The following LIMCH1 variants were observed in gnomAD, a reference collection of about 807,000 sequenced individuals.
The protein encoded by LIMCH1 is LIM and calponin homology domains-containing protein 1.
A neutral mutation model predicts 176.5 loss-of-function variants in LIMCH1; 113 were observed. That is an observed-to-expected ratio of 0.64 (90% CI 0.55 to 0.75). The LOEUF (loss-of-function observed/expected upper bound fraction) is 0.75, where lower values mean the gene tolerates loss of function less well. Ranked by LOEUF, LIMCH1 falls within the 30% of genes least tolerant of loss-of-function variation. The pLI is 0.00. For synonymous variants in LIMCH1, 619 were observed against 645.9 expected (o/e 0.96, Z 0.63); for missense variants, 1,674 against 1,814.9 (o/e 0.92, Z 1.41).
chr4:41,566,831 T>A (rs2082844825), intron 1 of LIMCH1, among the ~76,000 whole-genome samples: 1 of 152,226 alleles, frequency 6.6e-6, no homozygotes, highest in East Asian at 1.9e-4. Context: ...TTCTATCACA[T>A]ACAGAGTTAT....
chr4:41,552,077 G>A (rs907240809), intron 1 of LIMCH1, among the ~76,000 whole-genome samples: 8 of 152,250 alleles, frequency 5.3e-5, no homozygotes, highest in South Asian at 4.1e-4. Flanking sequence ...AAGAGAGAGC[G>A]TGTGCAGGGG....
intron 1 of LIMCH1, among the ~76,000 whole-genome samples, chr4:41,438,789 C>T (rs2062384854): frequency 6.6e-6 from 1 of 152,118 alleles, no homozygotes; most frequent in African/African-American, 2.4e-5. Context: ...TCACATGCAC[C>T]TCGCCCAGGC....
intron 1 of LIMCH1, among the ~76,000 whole-genome samples, chr4:41,386,755 G>T (rs1386139383): frequency 6.6e-6 from 1 of 152,136 alleles, no homozygotes; most frequent in Non-Finnish European, 1.5e-5. Flanking sequence ...TAGCATTTAG[G>T]GAAAATATGG....
At chr4:41,511,924 T>C (rs905785259) in intron 2 of LIMCH1, among the ~76,000 whole-genome samples, 12 of 152,156 alleles carry the variant, frequency 7.9e-5, no homozygotes, top group African/African-American at 2.9e-4. Flanking sequence ...AACTGGACTA[T>C]ATCAAAATTA....
At chr4:41,498,272 A>G (rs1393596178) in intron 2 of LIMCH1, among the ~76,000 whole-genome samples, 1 of 152,202 alleles carries the variant, frequency 6.6e-6, no homozygotes, top group Admixed American at 6.5e-5. Context: ...ACCTACATAC[A>G]GCATGTACGA....
intron 2 of LIMCH1, among the ~76,000 whole-genome samples, chr4:41,505,986 A>G (rs2074116254): frequency 6.9e-6 from 1 of 144,278 alleles, no homozygotes; most frequent in Admixed American, 6.8e-5. Flanking sequence ...TAAACAACAG[A>G]CCCATCCCTA....
At chr4:41,629,442 C>T (rs2093181117) in intron 8 of LIMCH1, 50 bp from the exon 9 acceptor site, 3 of 1,528,050 alleles carry the variant, frequency 2.0e-6, no homozygotes, top group Non-Finnish European at 2.6e-6. Flanking sequence ...TGCTCCCCTT[C>T]CTTGAACTTG....
chr4:41,424,031 C>T (rs1220295081), intron 1 of LIMCH1, among the ~76,000 whole-genome samples: 1 of 152,052 alleles, frequency 6.6e-6, no homozygotes, highest in African/African-American at 2.4e-5. Flanking sequence ...GTGATTCCCT[C>T]CTTCCTGCCT....
chr4:41,524,227 C>T (rs917680457), intron 2 of LIMCH1, among the ~76,000 whole-genome samples: 1 of 152,234 alleles, frequency 6.6e-6, no homozygotes, highest in Admixed American at 6.5e-5. Context: ...CGTGGACCAA[C>T]TTGATGTTGG....
At chr4:41,546,861 G>A (rs866005923) in intron 1 of LIMCH1, among the ~76,000 whole-genome samples, 4 of 152,022 alleles carry the variant, frequency 2.6e-5, no homozygotes, top group South Asian at 2.1e-4. Flanking sequence ...AGAGACAAGC[G>A]AGAGAGAGAA....
intron 1 of LIMCH1, among the ~76,000 whole-genome samples, chr4:41,587,311 A>G (rs1198674895): frequency 6.6e-6 from 1 of 152,102 alleles, no homozygotes; most frequent in Non-Finnish European, 1.5e-5. Context: ...CTCCCTGGCC[A>G]AGGATTCACG....
chr4:41,451,179 G>A (rs776819529), intron 1 of LIMCH1, among the ~76,000 whole-genome samples: 42 of 152,158 alleles, frequency 2.8e-4, no homozygotes, highest in African/African-American at 9.6e-4. Flanking sequence ...GCAATGGCAC[G>A]ATCTTGGCTC....
chr4:41,557,678 G>A (rs2081461744), intron 1 of LIMCH1, among the ~76,000 whole-genome samples: 1 of 151,982 alleles, frequency 6.6e-6, no homozygotes, highest in South Asian at 2.1e-4. Flanking sequence ...AATTTAAGGT[G>A]ATGAGGGAAA....
intron 18 of LIMCH1, among the ~76,000 whole-genome samples, chr4:41,654,852 A>G (rs547156570): frequency 5.3e-5 from 8 of 152,236 alleles, no homozygotes; most frequent in South Asian, 2.1e-4. Flanking sequence ...TTTGCCCCCA[A>G]TTATCCCTGA....
intron 1 of LIMCH1, among the ~76,000 whole-genome samples, chr4:41,429,018 A>G (rs1345234016): frequency 6.6e-6 from 1 of 152,172 alleles, no homozygotes; most frequent in African/African-American, 2.4e-5. Flanking sequence ...TCCTTGTTTG[A>G]AATCTCTTCT....
intron 1 of LIMCH1, among the ~76,000 whole-genome samples, chr4:41,457,128 G>A (rs1434885101): frequency 6.6e-6 from 1 of 152,160 alleles, no homozygotes; most frequent in Non-Finnish European, 1.5e-5. Context: ...TACAGTAGAT[G>A]TAACAAATCT....
chr4:41,619,687 T>A, intron 6 of LIMCH1: 1 of 544,232 alleles, frequency 1.8e-6, no homozygotes, highest in Non-Finnish European at 3.3e-6. Flanking sequence ...TAAGCAGATT[T>A]CTGAAACCAA....
At chr4:41,493,535 T>C (rs922643775) in intron 1 of LIMCH1, among the ~76,000 whole-genome samples, 8 of 152,208 alleles carry the variant, frequency 5.3e-5, no homozygotes, top group Admixed American at 3.9e-4. Context: ...ATTTATATTA[T>C]ATTATGCAGT....
At chr4:41,419,587 C>CT (rs1319896020) in intron 1 of LIMCH1, among the ~76,000 whole-genome samples, 2 of 84,024 alleles carry the variant, frequency 2.4e-5, no homozygotes, top group African/African-American at 1.8e-4. Context: ...TCCTTCCTTC[C>CT]TTCCTTCCTT....
Sources: allele counts gnomAD v4.1 joint callset (sites outside exome capture counted in the v4.1 genomes callset), GRCh38; gene constraint gnomAD v4.1.1; transcripts MANE v1.5; gene names NCBI Gene and HGNC (gene_info 2026-07-23, HGNC 2026-07-21).